KIFC3: variants seen among roughly 807,000 people sequenced by gnomAD.
The protein encoded by KIFC3 is kinesin-like protein KIFC3.
KIFC3 carries 60 observed loss-of-function variants against 101.8 expected under a neutral mutation model. That is an observed-to-expected ratio of 0.59 (90% CI 0.48 to 0.73). KIFC3 has a LOEUF of 0.73. Ranked by LOEUF, KIFC3 falls within the 30% of genes least tolerant of loss-of-function variation. The pLI, the probability that KIFC3 is intolerant of heterozygous loss-of-function variation, is 0.00. For missense variants in KIFC3, 966 were observed against 1,137.1 expected (o/e 0.85, Z 2.16); for synonymous variants, 476 against 482.7 (o/e 0.99, Z 0.18).
intron 1 of KIFC3, among the ~76,000 whole-genome samples, chr16:57,862,479 G>A (rs191969436): frequency 6.6e-6 from 1 of 152,172 alleles, no homozygotes; most frequent in East Asian, 1.9e-4. Flanking sequence ...TTACTATACT[G>A]CCATTAAGTT....
chr16:57,760,592 G>A, intron 16 of KIFC3, 134 bp downstream of exon 16: 3 of 1,065,192 alleles, frequency 2.8e-6, no homozygotes, highest in Admixed American at 2.0e-5. Flanking sequence ...GGAGGGACTG[G>A]GAGTTACACA....
chr16:57,816,890 C>G (rs1210089924), intron 1 of KIFC3: 1 of 383,404 alleles, frequency 2.6e-6, no homozygotes, highest in Non-Finnish European at 5.1e-6. Context: ...CCATCACAAC[C>G]GACCTTGAAC....
intron 1 of KIFC3, among the ~76,000 whole-genome samples, chr16:57,827,493 C>T (rs1020302303): frequency 6.6e-6 from 1 of 152,252 alleles, no homozygotes. Context: ...AGACGCTCAA[C>T]ACCTGTCATC....
chr16:57,862,842 G>A lies in KIFC3; in HGVS notation c.-6C>T, dbSNP rs181152435. 17 of 1,271,782 alleles carry A rather than the reference G, an allele frequency of 1.3e-5. No homozygotes were observed. The Admixed American group carries it at 2.3e-4, about 17-fold the overall frequency. 78.8% of individuals were successfully genotyped at this position (1,271,782 alleles called of 1,614,324 possible). On this transcript the variant is annotated 5_prime_UTR_variant, in exon 1 of 3. Coordinates refer to the KIFC3 transcript ENST00000563028. Reference sequence around the variant, plus strand: ...AGAAACTCCATCTGTGCCATTTTCCGAGCAATACGTTTTACTGGGTTGTCC... The same window carrying A: ...AGAAACTCCATCTGTGCCATTTTCCAAGCAATACGTTTTACTGGGTTGTCC...
intron 1 of KIFC3, among the ~76,000 whole-genome samples, chr16:57,856,397 C>T (rs542171618): frequency 7.2e-6 from 1 of 139,102 alleles, no homozygotes; most frequent in East Asian, 2.4e-4. Context: ...GTGATGATCG[C>T]TTGAGCTGGG....
At chr16:57,846,443 T>G (rs539514961) in intron 1 of KIFC3, 1 of 152,298 alleles carries the variant, frequency 6.6e-6, no homozygotes, top group East Asian at 1.9e-4. Flanking sequence ...TGGTGGAGGG[T>G]GACCTAACAG....
intron 1 of KIFC3, among the ~76,000 whole-genome samples, chr16:57,814,613 C>T (rs1456615043): frequency 6.6e-6 from 1 of 152,050 alleles, no homozygotes; most frequent in East Asian, 1.9e-4. Flanking sequence ...TTAGGACCAC[C>T]ATCATTATCA....
chr16:57,844,351 A>G (rs1407420992), intron 1 of KIFC3, among the ~76,000 whole-genome samples: 2 of 145,754 alleles, frequency 1.4e-5, no homozygotes, highest in Admixed American at 1.4e-4. Context: ...AATTGCTTGA[A>G]CCCGGGAGGC....
rs578257429 is a variant in KIFC3 at position 57,849,669 on chromosome 16, G to A, written c.108+13060C>T. ...TGTAATTCCAGCACTTTGGGAGGCCGAGGCAGGCAGATCATCTGAGGTCTG... is the reference window on the plus strand; with the variant it reads ...TGTAATTCCAGCACTTTGGGAGGCCAAGGCAGGCAGATCATCTGAGGTCTG... On this transcript the variant is annotated intron_variant, in intron 1 of 2. Transcript: ENST00000563028. 6.6e-5 allele frequency among the ~76,000 whole-genome samples: 10 copies of A among 152,254 alleles called. No individual in the cohort carries two copies. The South Asian group carries it at 1.4e-3, about 22-fold the overall frequency.
intron 1 of KIFC3, chr16:57,813,674 C>G: frequency 3.0e-6 from 3 of 985,326 alleles, no homozygotes; most frequent in Non-Finnish European, 3.6e-6. Context: ...AACCTCCCAC[C>G]TGGCATCCTG....
chr16:57,787,208 C>G (rs1315648219), intron 3 of KIFC3, among the ~76,000 whole-genome samples: 3 of 152,260 alleles, frequency 2.0e-5, no homozygotes, highest in Non-Finnish European at 4.4e-5. Context: ...ACACTGGACT[C>G]CTGGCCCAAG....
At chr16:57,774,460 C>T (rs9935393) in intron 3 of KIFC3, among the ~76,000 whole-genome samples, 2,745 of 152,122 alleles carry the variant, frequency 0.018, 80 homozygotes, top group African/African-American at 0.063. Context: ...GTGTACAGCA[C>T]TAAAAAGTGG....
intron 1 of KIFC3, among the ~76,000 whole-genome samples, chr16:57,859,111 A>G (rs2056240578): frequency 6.6e-6 from 1 of 152,214 alleles, no homozygotes; most frequent in African/African-American, 2.4e-5. Flanking sequence ...CCTTGTTCTT[A>G]TCTTAATATA....
intron 3 of KIFC3, among the ~76,000 whole-genome samples, chr16:57,792,242 C>T (rs1555620632): frequency 6.6e-6 from 1 of 152,180 alleles, no homozygotes; most frequent in African/African-American, 2.4e-5. Context: ...GGCAGCATCC[C>T]CAGATAGCCC....
chr16:57,804,669 A>G (rs1383810757), upstream of KIFC3, among the ~76,000 whole-genome samples: 8 of 151,684 alleles, frequency 5.3e-5, no homozygotes, highest in African/African-American at 1.7e-4. Context: ...AGCTCACTAT[A>G]GCCCCGAACT....
chr16:57,831,687 G>C (rs570068668), intron 1 of KIFC3, among the ~76,000 whole-genome samples: 34 of 152,254 alleles, frequency 2.2e-4, no homozygotes, highest in African/African-American at 7.9e-4. Flanking sequence ...AAAAAGAAAA[G>C]AAAAGAAAGA....
rs539122385 is a variant in KIFC3, at chr16:57,851,747, T to G, written c.108+10982A>C. ...ACACCCGGCTAATTTTTGTTGTTGT[T>G]GTTGTTTTCGAGATGGTAGTCTCGC... On this transcript the variant is annotated intron_variant, in intron 1 of 2. Transcript: ENST00000563028. Among the ~76,000 whole-genome samples the G allele has an allele frequency of 1.4e-3, 215 of 151,698 alleles. 2 individuals carry two copies. The highest frequency in any genetic ancestry group is 4.4e-3 in the African/African-American group (184 of 41,366).
In KIFC3 at chr16:57,859,051, CG is replaced by C. The variant is rs1439488537; in HGVS notation, c.108+3677del. Among the ~76,000 whole-genome samples the C allele has an allele frequency of 3.9e-5, 6 of 152,242 alleles. No homozygotes were observed. In the East Asian group the frequency reaches 1.2e-3, roughly 29 times the overall value. On this transcript the variant is annotated intron_variant, in intron 1 of 2. Transcript: ENST00000563028. ...AAATGCATGGAAAAATATTCTGTGA[CG>C]TATTCTTTGGTTTTATAACAAAAAA... is the stretch of plus-strand genomic sequence containing the variant.
chr16:57,795,563 T>A (rs1212395763), intron 2 of KIFC3, among the ~76,000 whole-genome samples: 1 of 152,204 alleles, frequency 6.6e-6, no homozygotes, highest in Non-Finnish European at 1.5e-5. Context: ...CTTCCCTGAC[T>A]TCATTAAGAC....
Sources: gnomAD v4.1 joint callset for allele counts (sites outside exome capture counted in the v4.1 genomes callset) on GRCh38, gnomAD v4.1.1 for gene constraint, MANE v1.5 for transcripts, NCBI Gene and HGNC (gene_info 2026-07-23, HGNC 2026-07-21) for gene names.